IQCM: variants seen among roughly 807,000 people sequenced by gnomAD.
IQCM encodes the protein IQ motif containing M.
A neutral mutation model predicts 57.6 loss-of-function variants in IQCM; 45 were observed. The observed-to-expected ratio is 0.78, with a 90% CI of 0.62 to 1.00. IQCM has a LOEUF of 1.00. Among genes scored for constraint, IQCM ranks in the 50% least tolerant of loss-of-function variants. IQCM has a pLI of 0.00. For missense variants in IQCM, 468 were observed against 511.6 expected (o/e 0.91, Z 0.82); for synonymous variants, 148 against 158.9 (o/e 0.93, Z 0.51).
At chr4:149,443,571 G>C (rs1049278757) in intron 12 of IQCM, among the ~76,000 whole-genome samples, 2 of 151,398 alleles carry the variant, frequency 1.3e-5, no homozygotes, top group Middle Eastern at 6.8e-3. Context: ...ACCTCTTCTT[G>C]GAATAAAACG....
At chr4:149,382,176 G>A (rs771326904) in intron 13 of IQCM, among the ~76,000 whole-genome samples, 15 of 152,068 alleles carry the variant, frequency 9.9e-5, no homozygotes, top group Non-Finnish European at 1.6e-4. Flanking sequence ...GATCATAGCT[G>A]TTTCCCATGT....
intron 12 of IQCM, among the ~76,000 whole-genome samples, chr4:149,543,828 T>C (rs1748109137): frequency 6.6e-6 from 1 of 152,142 alleles, no homozygotes; most frequent in Non-Finnish European, 1.5e-5. Context: ...AATAAAACAT[T>C]AAATACTTTT....
At chr4:149,403,672 C>T (rs1732777646) in intron 13 of IQCM, among the ~76,000 whole-genome samples, 1 of 151,832 alleles carries the variant, frequency 6.6e-6, no homozygotes, top group Non-Finnish European at 1.5e-5. Flanking sequence ...CTGATAGTAG[C>T]ATCATCATCA....
intron 13 of IQCM, among the ~76,000 whole-genome samples, chr4:149,407,312 T>C (rs923445032): frequency 6.6e-6 from 1 of 152,182 alleles, no homozygotes; most frequent in Non-Finnish European, 1.5e-5. Context: ...AACATCATTT[T>C]GAAATTAATT....
In IQCM at chr4:149,368,992, G is replaced by GTATATATATA. The variant is rs201946807; in HGVS notation, c.1391-16936_1391-16927dup. On this transcript the variant is annotated intron_variant, in intron 13 of 13. Coordinates refer to ENST00000636793, the MANE Select transcript of IQCM (RefSeq NM_001363507.2). Reference sequence around the variant, plus strand: ...TATATATGTGTATATATATACACGTGTATATATATATATATACACGTGTAT... The same window carrying GTATATATATA: ...TATATATGTGTATATATATACACGTGTATATATATATATATATATATATATACACGTGTAT... 1.6e-4 allele frequency among the ~76,000 whole-genome samples: 5 copies of GTATATATATA among 32,208 alleles called. No homozygotes were observed. In the Admixed American group the frequency reaches 1.6e-3, roughly 10 times the overall value. 21.1% of individuals were successfully genotyped at this position (32,208 alleles called of 152,430 possible). A position where few individuals can be genotyped will look rare whatever the true frequency, so the allele number is the denominator to read the frequency against.
At chr4:149,784,304 G>A (rs1037822143) in intron 2 of IQCM, among the ~76,000 whole-genome samples, 1 of 152,130 alleles carries the variant, frequency 6.6e-6, no homozygotes, top group Admixed American at 6.5e-5. Flanking sequence ...CTTGCCACTG[G>A]CTCAGGGATT....
At chr4:149,588,619 G>A (rs183521097) in intron 8 of IQCM, among the ~76,000 whole-genome samples, 6 of 151,730 alleles carry the variant, frequency 4.0e-5, no homozygotes, top group Non-Finnish European at 7.4e-5. Context: ...TTTATAAGAC[G>A]AGGAAAAGAT....
At chr4:149,780,100 T>C (rs546476740) in intron 2 of IQCM, 1 of 152,278 alleles carries the variant, frequency 6.6e-6, no homozygotes, top group South Asian at 2.1e-4. Context: ...CAAGTCTATG[T>C]CAATTAGAAA....
intron 2 of IQCM, among the ~76,000 whole-genome samples, chr4:149,774,637 GCT>G (rs1770906365): frequency 6.6e-6 from 1 of 151,942 alleles, no homozygotes; most frequent in Admixed American, 6.6e-5. Context: ...TATATACCTG[GCT>G]GGAGTCTGCT....
At chr4:149,671,059 T>C (rs1761229947) in intron 7 of IQCM, among the ~76,000 whole-genome samples, 1 of 152,038 alleles carries the variant, frequency 6.6e-6, no homozygotes, top group South Asian at 2.1e-4. Flanking sequence ...TCAGAAGGAA[T>C]GCTACCAGCT....
intron 12 of IQCM, among the ~76,000 whole-genome samples, chr4:149,521,820 T>G (rs1745674527): frequency 6.6e-6 from 1 of 152,190 alleles, no homozygotes; most frequent in Admixed American, 6.5e-5. Context: ...TCCAACTGAC[T>G]GGAATGCTTG....
In IQCM at chr4:149,433,318, T is replaced by A. The variant is rs532475755; in HGVS notation, c.1390+78A>T. ...TATGTATCATCCCACATCATCTAAGTGATGAATACAGTTATATATTTAATA... is the reference window on the plus strand; with the variant it reads ...TATGTATCATCCCACATCATCTAAGAGATGAATACAGTTATATATTTAATA... On this transcript the variant is annotated intron_variant, in intron 13 of 13. Transcript: ENST00000636793. 214 of 598,230 alleles carry A rather than the reference T, an allele frequency of 3.6e-4. 1 individual carries two copies. The highest frequency in any genetic ancestry group is 5.1e-4 in the Non-Finnish European group (209 of 411,900). 37.1% of individuals were successfully genotyped at this position (598,230 alleles called of 1,614,324 possible).
At chr4:149,369,033 T>C (rs12645964) in intron 13 of IQCM, among the ~76,000 whole-genome samples, 16,717 of 56,450 alleles carry the variant, frequency 0.3, 4,206 homozygotes, top group South Asian at 0.4. Flanking sequence ...TATATATACA[T>C]GTGTATATAT....
intron 13 of IQCM, among the ~76,000 whole-genome samples, chr4:149,372,287 AGTT>A (rs1294088507): frequency 3.3e-5 from 5 of 152,176 alleles, no homozygotes; most frequent in Non-Finnish European, 7.4e-5. Flanking sequence ...TGTAAACTAA[AGTT>A]GTACTATTGT....
At chr4:149,421,390 G>A (rs1477235263) in intron 13 of IQCM, among the ~76,000 whole-genome samples, 1 of 151,954 alleles carries the variant, frequency 6.6e-6, no homozygotes, top group African/African-American at 2.4e-5. Context: ...TGATGTGAAT[G>A]TATAAAAACA....
chr4:149,671,017 G>A (rs577885107), intron 7 of IQCM, among the ~76,000 whole-genome samples: 41 of 151,880 alleles, frequency 2.7e-4, no homozygotes, highest in Admixed American at 9.8e-4. Flanking sequence ...AGCTAAGGAG[G>A]ATTCCCTCTT....
intron 5 of IQCM, among the ~76,000 whole-genome samples, chr4:149,704,530 C>T (rs1446328331): frequency 1.3e-5 from 2 of 151,832 alleles, no homozygotes; most frequent in South Asian, 4.2e-4. Flanking sequence ...TTACAGAAAA[C>T]GTTTTCTGAC....
chr4:149,529,345 G>A (rs1013317800), intron 12 of IQCM, among the ~76,000 whole-genome samples: 6 of 152,168 alleles, frequency 3.9e-5, no homozygotes, highest in African/African-American at 7.2e-5. Flanking sequence ...GATTACAGGC[G>A]TGAGCCACCA....
chr4:149,752,550 TAA>T (rs35458090), intron 2 of IQCM, among the ~76,000 whole-genome samples: 1,842 of 141,218 alleles, frequency 0.013, 31 homozygotes, highest in African/African-American at 0.045. Flanking sequence ...GACTCTGTCT[TAA>T]AAAAAAAAAA....
Sources: gnomAD v4.1 joint callset for allele counts (sites outside exome capture counted in the v4.1 genomes callset) on GRCh38, gnomAD v4.1.1 for gene constraint, MANE v1.5 for transcripts, NCBI Gene and HGNC (gene_info 2026-07-23, HGNC 2026-07-21) for gene names.